The following TBL1X variants were observed in gnomAD, a reference collection of about 807,000 sequenced individuals.
The protein encoded by TBL1X is transducin beta like 1 X-linked, also known as F-box-like/WD repeat-containing protein TBL1X.
In TBL1X, 10 loss-of-function variants were observed where a neutral mutation model predicts 50.7. The ratio of observed to expected loss-of-function variants is 0.20; its 90% CI spans 0.12 to 0.33. The LOEUF is 0.33. Ranked by LOEUF, TBL1X falls within the 10% of genes least tolerant of loss-of-function variation. TBL1X has a pLI of 1.00. For missense variants in TBL1X, 340 were observed against 504.4 expected, an observed-to-expected ratio of 0.67 and a Z score of 3.12; for synonymous variants, 190 against 214.7, an observed-to-expected ratio of 0.88 and a Z score of 1.01.
intron 2 of TBL1X, among the ~76,000 whole-genome samples, chrX:9,603,882 T>C (rs1413760866): frequency 9.0e-6 from 1 of 111,029 alleles, no homozygotes; most frequent in African/African-American, 3.3e-5. Flanking sequence ...GGCACAGCAC[T>C]TTCCTCTCTG....
At chrX:9,635,909 G>A (rs1415660153) in intron 2 of TBL1X, among the ~76,000 whole-genome samples, 1 of 112,358 alleles carries the variant, frequency 8.9e-6, no homozygotes, top group African/African-American at 3.2e-5. Flanking sequence ...CCCAAGCCAG[G>A]TTCCTGTCAG....
intron 5 of TBL1X, among the ~76,000 whole-genome samples, chrX:9,659,073 C>CA (rs765288906): frequency 4.6e-4 from 51 of 111,546 alleles, no homozygotes; most frequent in East Asian, 8.4e-4. Context: ...GATCCTCCCC[C>CA]CCGGCCTCAT....
At chrX:9,531,354 GGTGTGTGTGTGTGTGTGTGTGTGTGT>G (rs57905343) in intron 2 of TBL1X, among the ~76,000 whole-genome samples, 1 of 75,224 alleles carries the variant, frequency 1.3e-5, no homozygotes, top group African/African-American at 4.7e-5. Context: ...GAACCTGGAG[GGTGTGTGTGTGTGTGTGTGTGTGTGT>G]GTGTGTGTGT....
chrX:9,492,883 GT>G (rs1569206148), intron 1 of TBL1X, among the ~76,000 whole-genome samples: 1,716 of 44,229 alleles, frequency 0.039, 85 homozygotes, highest in Middle Eastern at 0.11. Context: ...GTGTGTGTGT[GT>G]GTGTGTGTGT....
Position 9,678,208 on chromosome X carries a change from C to T in TBL1X, c.212-5835C>T, listed in dbSNP as rs144488738. On this transcript the variant is annotated intron_variant, in intron 5 of 17. Coordinates refer to ENST00000645353, the MANE Select transcript of TBL1X (RefSeq NM_005647.4). ...ATCTGTGGTTGGTTGATTTGGTGGACGCAGAACTATCGGATATGGAGAGTC... is the reference window on the plus strand; with the variant it reads ...ATCTGTGGTTGGTTGATTTGGTGGATGCAGAACTATCGGATATGGAGAGTC... Among the ~76,000 whole-genome samples, 918 of 111,319 alleles carry T rather than the reference C, an allele frequency of 8.2e-3. 12 individuals are homozygous for T. The highest frequency in any genetic ancestry group is 0.025 in the African/African-American group (778 of 30,537).
chrX:9,473,074 ATGAAG>A (rs1458649108), intron 1 of TBL1X, among the ~76,000 whole-genome samples: 1 of 111,535 alleles, frequency 9.0e-6, no homozygotes, highest in Non-Finnish European at 1.9e-5. Context: ...AAGATGAGAA[ATGAAG>A]TTGAGTGGAG....
intron 4 of TBL1X, among the ~76,000 whole-genome samples, 181 bp downstream of exon 4, chrX:9,653,870 A>G (rs1051990858): frequency 1.8e-5 from 2 of 111,685 alleles, no homozygotes; most frequent in Non-Finnish European, 3.8e-5. Flanking sequence ...CGCGCTGCGG[A>G]TCCCTGCATG....
intron 3 of TBL1X, among the ~76,000 whole-genome samples, chrX:9,644,340 A>C (rs2082791006): frequency 8.9e-6 from 1 of 112,293 alleles, no homozygotes; most frequent in Non-Finnish European, 1.9e-5. Context: ...CTTCCAAGGC[A>C]GTCTGCTCTG....
At chrX:9,596,055 A>G (rs963353626) in intron 2 of TBL1X, among the ~76,000 whole-genome samples, 1 of 112,234 alleles carries the variant, frequency 8.9e-6, no homozygotes, top group Admixed American at 9.4e-5. Context: ...ACTTTATAAC[A>G]TTACACTATT....
In TBL1X at chrX:9,675,752, G is replaced by A. The variant is rs373385695; in HGVS notation, c.212-8291G>A. On this transcript the variant is annotated intron_variant, in intron 5 of 17. Transcript: ENST00000645353. ...CTAAAAATACAAAAATTACCTGGGC[G>A]TGGTGGCATGCGCCTGTAATCCCAG... Among the ~76,000 whole-genome samples the A allele has an allele frequency of 2.0e-4, 22 of 110,313 alleles. No individual in the cohort carries two copies. The South Asian group carries it at 2.3e-3, about 12-fold the overall frequency.
At chrX:9,497,408 CA>C (rs35402306) in intron 1 of TBL1X, among the ~76,000 whole-genome samples, 58 of 30,402 alleles carry the variant, frequency 1.9e-3, no homozygotes, top group African/African-American at 5.9e-3. Flanking sequence ...GACTCCATCT[CA>C]AAAAAAAAAA....
At chrX:9,642,374 A>G (rs1218921097) in intron 3 of TBL1X, among the ~76,000 whole-genome samples, 2 of 111,749 alleles carry the variant, frequency 1.8e-5, no homozygotes, top group Non-Finnish European at 3.8e-5. Flanking sequence ...GGAATAACCT[A>G]CATAACATAC....
chrX:9,470,498 C>G lies in TBL1X; in HGVS notation c.-201+5051C>G, dbSNP rs188231542. On this transcript the variant is annotated intron_variant, in intron 1 of 17. Coordinates refer to ENST00000645353, the MANE Select transcript of TBL1X (RefSeq NM_005647.4). ...CTCAAACTCCTGACCTCAGGTGATC[C>G]ACCTGCTTAGCCTCCCAAAGTGCTG... is the stretch of plus-strand genomic sequence containing the variant. 3.6e-3 allele frequency among the ~76,000 whole-genome samples: 407 copies of G among 112,579 alleles called. 4 individuals carry two copies. Among genetic ancestry groups the G allele is most frequent in the African/African-American group, 0.013 (390 of 31,064 alleles).
intron 1 of TBL1X, among the ~76,000 whole-genome samples, chrX:9,492,555 C>G (rs1225357187): frequency 9.0e-6 from 1 of 111,445 alleles, no homozygotes; most frequent in Non-Finnish European, 1.9e-5. Context: ...TTAAAATGAG[C>G]CAGCCTCTTT....
chrX:9,546,842 G>A (rs1468949590), intron 2 of TBL1X, among the ~76,000 whole-genome samples: 3 of 65,042 alleles, frequency 4.6e-5, no homozygotes, highest in Non-Finnish European at 8.0e-5. Flanking sequence ...TTTTTGAGAC[G>A]GAGTCTCGCT....
chrX:9,667,864 C>G (rs1296773815), intron 5 of TBL1X, among the ~76,000 whole-genome samples: 1 of 111,047 alleles, frequency 9.0e-6, no homozygotes, highest in Non-Finnish European at 1.9e-5. Flanking sequence ...GTATGGTGAC[C>G]TGGGATTCTA....
chrX:9,669,663 C>A (rs1362740268), intron 5 of TBL1X, among the ~76,000 whole-genome samples: 1 of 111,850 alleles, frequency 8.9e-6, no homozygotes, highest in Non-Finnish European at 1.9e-5. Flanking sequence ...GCCCTGAAAC[C>A]CCAACCAGGC....
chrX:9,640,620 T>C (rs2082770736), intron 3 of TBL1X, among the ~76,000 whole-genome samples: 1 of 105,207 alleles, frequency 9.5e-6, no homozygotes. Flanking sequence ...TTTTGTTTTG[T>C]TTTGTTTTGT....
chrX:9,637,309 C>T (rs1453672288), intron 2 of TBL1X: 1 of 111,639 alleles, frequency 9.0e-6, no homozygotes, highest in Non-Finnish European at 1.9e-5. Flanking sequence ...TTCTGAATTC[C>T]AATATCCATG....
Sources: allele counts gnomAD v4.1 joint callset (sites outside exome capture counted in the v4.1 genomes callset), GRCh38; gene constraint gnomAD v4.1.1; transcripts MANE v1.5; gene names NCBI Gene and HGNC (gene_info 2026-07-23, HGNC 2026-07-21).